The following TLCD4 variants were observed in gnomAD, a reference collection of about 807,000 sequenced individuals.
TLCD4 encodes TLC domain containing 4.
In TLCD4, 7 loss-of-function variants were observed where a neutral mutation model predicts 24.2. That is an observed-to-expected ratio of 0.29 (90% CI 0.16 to 0.54). The LOEUF (loss-of-function observed/expected upper bound fraction) is 0.54, where lower values mean the gene tolerates loss of function less well. TLCD4 is among the 20% of genes least tolerant of loss of function. The pLI, the probability that TLCD4 is intolerant of heterozygous loss-of-function variation, is 0.95. For synonymous variants in TLCD4, 103 were observed against 106.4 expected (o/e 0.97, Z 0.20); for missense variants, 259 against 313.9 (o/e 0.82, Z 1.32).
At chr1:95,177,402 AAGTT>A (rs1311584318) in intron 6 of TLCD4, among the ~76,000 whole-genome samples, 1 of 152,102 alleles carries the variant, frequency 6.6e-6, no homozygotes, top group African/African-American at 2.4e-5. Flanking sequence ...AGAGACACAT[AAGTT>A]AGAGCACTTA....
the TLCD4 span, among the ~76,000 whole-genome samples, chr1:95,111,497 AATG>A: frequency 6.6e-6 from 1 of 152,232 alleles, no homozygotes; most frequent in Admixed American, 6.5e-5. Flanking sequence ...ATGACATGAA[AATG>A]ATAGTGTAGA....
At position 95,192,368 on chromosome 1, in the gene TLCD4, C is replaced by A; in HGVS notation, c.*500C>A. On this transcript the variant is annotated 3_prime_UTR_variant, in exon 7 of 7. Coordinates refer to ENST00000370203, the MANE Select transcript of TLCD4 (RefSeq NM_152487.3). Reference sequence around the variant, plus strand: ...ATCCCAAGATGTCTTTTCTGCCTTTCTTTTGCCTTATTTACAAGCATGGAT... The same window carrying A: ...ATCCCAAGATGTCTTTTCTGCCTTTATTTTGCCTTATTTACAAGCATGGAT... The A allele has an allele frequency of 6.6e-6, 1 of 152,126 alleles. No homozygotes were observed. The highest frequency in any genetic ancestry group is 1.5e-5 in the Non-Finnish European group (1 of 68,320). The allele number at this position is 152,126 out of a possible 1,614,324, so 9.4% of individuals were successfully genotyped here.
chr1:95,181,992 A>G (rs928494821), intron 6 of TLCD4, among the ~76,000 whole-genome samples: 1 of 152,194 alleles, frequency 6.6e-6, no homozygotes, highest in Non-Finnish European at 1.5e-5. Flanking sequence ...TGGCTCACTG[A>G]GTTATGTAGG....
At chr1:95,163,270 CT>C (rs1242927030) in intron 5 of TLCD4, 1 of 152,140 alleles carries the variant, frequency 6.6e-6, no homozygotes, top group East Asian at 1.9e-4. Flanking sequence ...CACTGATACC[CT>C]TTCTTCCACT....
chr1:95,187,461 G>GAGGAGTAC (rs1678866828), intron 6 of TLCD4, among the ~76,000 whole-genome samples: 2 of 152,062 alleles, frequency 1.3e-5, no homozygotes, highest in Non-Finnish European at 2.9e-5. Flanking sequence ...TACTGATCAG[G>GAGGAGTAC]TGTTTTGTAG....
intron 6 of TLCD4, among the ~76,000 whole-genome samples, chr1:95,186,709 A>G (rs1465996382): frequency 2.0e-5 from 3 of 152,192 alleles, no homozygotes; most frequent in Admixed American, 2.0e-4. Flanking sequence ...CCTGGATTAG[A>G]ATGTGGATGT....
At chr1:95,137,797 C>CACAATCA (rs1677090506) in intron 1 of TLCD4, among the ~76,000 whole-genome samples, 1 of 149,424 alleles carries the variant, frequency 6.7e-6, no homozygotes, top group African/African-American at 2.5e-5. Context: ...TGCCCTGGTA[C>CACAATCA]ACAATCATAA....
At chr1:95,159,888 A>G (rs1677734752) in intron 5 of TLCD4, among the ~76,000 whole-genome samples, 1 of 152,204 alleles carries the variant, frequency 6.6e-6, no homozygotes, top group Non-Finnish European at 1.5e-5. Context: ...TACCAGTACC[A>G]TGCTGTTTTG....
chr1:95,177,807 G>T (rs1678482606), intron 6 of TLCD4, among the ~76,000 whole-genome samples: 1 of 151,826 alleles, frequency 6.6e-6, no homozygotes, highest in African/African-American at 2.4e-5. Context: ...GACTAAGTAT[G>T]TTCTTCTAAA....
chr1:95,100,856 A>G, the TLCD4 span, among the ~76,000 whole-genome samples: 1 of 151,712 alleles, frequency 6.6e-6, no homozygotes, highest in Non-Finnish European at 1.5e-5. Context: ...TATAACTGGA[A>G]TGCAACCCCA....
At chr1:95,116,911 G>A (rs988612436), upstream of TLCD4, among the ~76,000 whole-genome samples, 1 of 152,180 alleles carries the variant, frequency 6.6e-6, no homozygotes, top group African/African-American at 2.4e-5. Flanking sequence ...AAGAACTGGC[G>A]GGACTCGAGT....
At chr1:95,138,755 G>A (rs1341249782) in intron 1 of TLCD4, among the ~76,000 whole-genome samples, 1 of 152,022 alleles carries the variant, frequency 6.6e-6, no homozygotes, top group Non-Finnish European at 1.5e-5. Flanking sequence ...GCTACACAAT[G>A]CCAAGTATTT....
chr1:95,169,319 A>G (rs1678128281), intron 5 of TLCD4, among the ~76,000 whole-genome samples: 1 of 152,224 alleles, frequency 6.6e-6, no homozygotes. Flanking sequence ...AGAACTAACC[A>G]TTCTCTTTGG....
intron 5 of TLCD4, among the ~76,000 whole-genome samples, chr1:95,165,736 G>A (rs1021203364): frequency 1.3e-5 from 2 of 152,202 alleles, no homozygotes; most frequent in Non-Finnish European, 2.9e-5. Flanking sequence ...AGAGTGCTGG[G>A]ATTACAGGCA....
intron 6 of TLCD4, among the ~76,000 whole-genome samples, chr1:95,177,741 G>A (rs1002522126): frequency 3.3e-5 from 5 of 151,828 alleles, no homozygotes; most frequent in African/African-American, 4.8e-5. Context: ...CATTCTCAAG[G>A]GGGTCAGATC....
intron 1 of TLCD4, among the ~76,000 whole-genome samples, chr1:95,129,717 G>A (rs1676836042): frequency 6.6e-6 from 1 of 152,112 alleles, no homozygotes. Context: ...ACTCCAGCCT[G>A]GGCAACAGAG....
upstream of TLCD4, among the ~76,000 whole-genome samples, chr1:95,115,728 T>G (rs550196268): frequency 5.7e-4 from 87 of 152,164 alleles, no homozygotes; most frequent in Non-Finnish European, 5.3e-4. Flanking sequence ...CTGTTGGTGT[T>G]AGAGAATTAT....
intron 6 of TLCD4, among the ~76,000 whole-genome samples, chr1:95,184,529 T>C (rs2101014625): frequency 6.6e-6 from 1 of 152,280 alleles, no homozygotes; most frequent in East Asian, 1.9e-4. Context: ...TCAAGTTCCT[T>C]TAGAAGGGTA....
intron 6 of TLCD4, among the ~76,000 whole-genome samples, chr1:95,188,979 T>A (rs1678932555): frequency 6.6e-6 from 1 of 152,168 alleles, no homozygotes; most frequent in Non-Finnish European, 1.5e-5. Context: ...TATACACCTA[T>A]CTATAATTAT....
Sources: allele counts gnomAD v4.1 joint callset (sites outside exome capture counted in the v4.1 genomes callset), GRCh38; gene constraint gnomAD v4.1.1; transcripts MANE v1.5; gene names NCBI Gene and HGNC (gene_info 2026-07-23, HGNC 2026-07-21).